ATM: variants seen among roughly 807,000 people sequenced by gnomAD.
ATM encodes the protein ATM serine/threonine kinase.
Under a neutral mutation model 387.0 loss-of-function variants are expected in ATM, and 308 were observed. The ratio of observed to expected loss-of-function variants is 0.80; its 90% CI spans 0.73 to 0.87. The LOEUF (loss-of-function observed/expected upper bound fraction) is 0.87, where lower values mean the gene tolerates loss of function less well. ATM is among the 40% of genes least tolerant of loss of function. The pLI is 0.00. For synonymous variants in ATM, 1,156 were observed against 1,187.3 expected (o/e 0.97, Z 0.54); for missense variants, 3,312 against 3,560.9 (o/e 0.93, Z 1.78).
chr11:108,333,334 G>T (rs925596836), intron 53 of ATM, among the ~76,000 whole-genome samples: 1 of 152,042 alleles, frequency 6.6e-6, no homozygotes, highest in African/African-American at 2.4e-5. Flanking sequence ...TATTATTCTT[G>T]CTGTGTCAGT....
chr11:108,239,134 G>C (rs928460875), intron 5 of ATM, among the ~76,000 whole-genome samples: 11 of 152,172 alleles, frequency 7.2e-5, no homozygotes, highest in Non-Finnish European at 1.5e-4. Context: ...ATTAGGTCCT[G>C]TGGGTCCAGC....
chr11:108,266,331 G>A (rs911606764), intron 16 of ATM, among the ~76,000 whole-genome samples: 1 of 152,028 alleles, frequency 6.6e-6, no homozygotes, highest in African/African-American at 2.4e-5. Flanking sequence ...CATGTCCTTT[G>A]TTAGGGACAT....
chr11:108,332,696 T>C, intron 52 of ATM, 66 bp from the exon 53 acceptor site: 1 of 1,531,296 alleles, frequency 6.5e-7, no homozygotes, highest in Admixed American at 1.8e-5. Flanking sequence ...TCTTTGTTTT[T>C]CTAACTCTGA....
rs557012154 is a variant in ATM at position 108,244,927 on chromosome 11, C to G, written c.802C>G (p.Gln268Glu). The change falls in exon 7 of 63, where the codon CAA becomes GAA. Residue 268 changes from glutamine (Q) to glutamate (E), a missense_variant. Transcript: ENST00000675843. Reference sequence around the variant, plus strand: ...TCCCACTTTGCTTTATATTTGGACTCAACATAGGCTTAATGATTCTTTAAA... The same window carrying G: ...TCCCACTTTGCTTTATATTTGGACTGAACATAGGCTTAATGATTCTTTAAA... ...ILPTLLYIWT[Q>E]HRLNDSLKEV... The G allele has an allele frequency of 6.2e-7, 1 of 1,613,214 alleles. No homozygotes were observed. Among genetic ancestry groups the G allele is most frequent in the Non-Finnish European group, 8.5e-7 (1 of 1,179,558 alleles).
chr11:108,223,351 AGC>A (rs2078582458), intron 1 of ATM, 165 bp downstream of exon 1: 1 of 152,736 alleles, frequency 6.5e-6, no homozygotes, highest in African/African-American at 2.4e-5. Context: ...CCGGGTGCTT[AGC>A]GGACTTGGCC....
chr11:108,271,425 G>T lies in ATM; in HGVS notation c.3077+19G>T, dbSNP rs1418513952. On this transcript the variant is annotated intron_variant, in intron 20 of 62. Coordinates refer to ENST00000675843, the MANE Select transcript of ATM (RefSeq NM_000051.4). ...CATTTTGGTAGGTACAGTCTATTTT[G>T]TGGTCCTATTTTTCTTTTGCTATCT... 1 of 1,613,854 alleles carries T rather than the reference G, an allele frequency of 6.2e-7. No homozygotes were observed. The highest frequency in any genetic ancestry group is 1.1e-5 in the South Asian group (1 of 91,074).
At chr11:108,347,068 C>G (rs2088510413) in intron 58 of ATM, among the ~76,000 whole-genome samples, 1 of 152,074 alleles carries the variant, frequency 6.6e-6, no homozygotes, top group East Asian at 1.9e-4. Flanking sequence ...AGCAAATCAT[C>G]TAGGATTTGT....
intron 57 of ATM, among the ~76,000 whole-genome samples, chr11:108,343,984 T>G (rs1366422691): frequency 1.3e-5 from 2 of 152,168 alleles, no homozygotes; most frequent in Admixed American, 1.3e-4. Flanking sequence ...ATATCAAATA[T>G]TACGACTAAT....
At chr11:108,262,837 G>A (rs1340239620) in intron 16 of ATM, among the ~76,000 whole-genome samples, 2 of 145,388 alleles carry the variant, frequency 1.4e-5, no homozygotes, top group African/African-American at 5.1e-5. Context: ...TGCAATCCTA[G>A]TCTCTGATAA....
Position 108,279,540 on chromosome 11 carries a change from C to T in ATM, c.3334C>T (p.Pro1112Ser), listed in dbSNP as rs876658963. 1 of 1,613,674 alleles carries T rather than the reference C, an allele frequency of 6.2e-7. No individual in the cohort carries two copies. Among genetic ancestry groups the T allele is most frequent in the Non-Finnish European group, 8.5e-7 (1 of 1,179,844 alleles). ...GDSSRLLKAL[P>S]LKLQQTAFEN... ...TTCTTCCAGGTTACTGAAAGCACTTCCTTTGAAGCTTCAGCAAACAGCTTT... is the reference window on the plus strand; with the variant it reads ...TTCTTCCAGGTTACTGAAAGCACTTTCTTTGAAGCTTCAGCAAACAGCTTT... The change falls in exon 23 of 63, where the codon CCT becomes TCT. Residue 1112 changes from proline to serine, a missense_variant. Pro to Ser is a moderately conservative substitution (Grantham distance 74). Transcript: ENST00000675843.
At chr11:108,236,469 G>C (rs568929194) in intron 5 of ATM, 17 of 153,330 alleles carry the variant, frequency 1.1e-4, no homozygotes, top group Admixed American at 7.8e-4. Flanking sequence ...GGAGGTTAAG[G>C]CTGCAGTGAG....
chr11:108,333,828 T>G (rs1412816821), intron 53 of ATM, 58 bp from the exon 54 acceptor site: 5 of 1,349,902 alleles, frequency 3.7e-6, no homozygotes, highest in Non-Finnish European at 5.3e-6. Context: ...CTATTCCTGC[T>G]TGACCTTCAA....
chr11:108,332,991 C>G (rs1250688121), intron 53 of ATM, 91 bp downstream of exon 53: 3 of 1,466,946 alleles, frequency 2.0e-6, no homozygotes, highest in Non-Finnish European at 1.9e-6. Context: ...AGTAAATCTG[C>G]TTAAAATCAC....
Position 108,365,413 on chromosome 11 carries a change from C to T in ATM, c.9076C>T (p.Leu3026Phe), listed in dbSNP as rs2137917186. 1 of 1,614,190 alleles carries T rather than the reference C, an allele frequency of 6.2e-7. No homozygotes were observed. Among genetic ancestry groups the T allele is most frequent in the Non-Finnish European group, 8.5e-7 (1 of 1,180,036 alleles). Reference sequence around the variant, plus strand: ...GAAAGGAGTGGAAGAAGGCACTGTGCTCAGTGTTGGTGGACAAGTGAATTT... The same window carrying T: ...GAAAGGAGTGGAAGAAGGCACTGTGTTCAGTGTTGGTGGACAAGTGAATTT... Reference protein sequence around the residue: ...KLKGVEEGTVLSVGGQVNLLI... With the variant: ...KLKGVEEGTVFSVGGQVNLLI... Residue 3026 changes from leucine to phenylalanine, a missense_variant, in exon 63 of 63, where the codon CTC (leucine) becomes TTC (phenylalanine). By Grantham distance (22) the Leu-to-Phe change is conservative (BLOSUM62 0). Transcript: ENST00000675843.
In ATM at chr11:108,254,059, GAACT is replaced by G. The variant is rs751211043; in HGVS notation, c.2124+23_2124+26del. The G allele has an allele frequency of 6.2e-7, 1 of 1,605,494 alleles. No individual in the cohort carries two copies. The highest frequency in any genetic ancestry group is 1.7e-5 in the Admixed American group (1 of 59,912). ...TCTGAGGTGAGATTTTTTAAAAAAAGAACTAAGCTTATATATGATTCAACTTTGG... is the reference window on the plus strand; with the variant it reads ...TCTGAGGTGAGATTTTTTAAAAAAAGAAGCTTATATATGATTCAACTTTGG... On this transcript the variant is annotated intron_variant, in intron 13 of 62. Coordinates refer to ENST00000675843, the MANE Select transcript of ATM (RefSeq NM_000051.4).
chr11:108,273,041 A>G (rs533601590), intron 22 of ATM, among the ~76,000 whole-genome samples, 189 bp downstream of exon 22: 42 of 152,240 alleles, frequency 2.8e-4, no homozygotes, highest in Middle Eastern at 3.4e-3. Flanking sequence ...ATTTCCTTCA[A>G]TTTATAAATG....
At chr11:108,356,298 G>A (rs1474699530) in intron 61 of ATM, among the ~76,000 whole-genome samples, 1 of 152,264 alleles carries the variant, frequency 6.6e-6, no homozygotes, top group East Asian at 1.9e-4. Context: ...CACTTTGAGA[G>A]GCCGAGACAG....
At chr11:108,284,614 C>T in intron 26 of ATM, 141 bp downstream of exon 26, 1 of 1,171,130 alleles carries the variant, frequency 8.5e-7, no homozygotes, top group Non-Finnish European at 1.2e-6. Context: ...GCATAGCCAA[C>T]CCATGAATTT....
chr11:108,258,182 T>C (rs2080626680), intron 15 of ATM, among the ~76,000 whole-genome samples: 2 of 152,216 alleles, frequency 1.3e-5, no homozygotes, highest in South Asian at 4.1e-4. Context: ...AGGTGTCAGC[T>C]ACCATATCTG....
Sources: allele counts gnomAD v4.1 joint callset (sites outside exome capture counted in the v4.1 genomes callset), GRCh38; gene constraint gnomAD v4.1.1; transcripts MANE v1.5; gene names NCBI Gene and HGNC (gene_info 2026-07-23, HGNC 2026-07-21).